DIS3L2: variants seen among roughly 807,000 people sequenced by gnomAD.
DIS3L2 encodes the protein DIS3 like 3'-5' exoribonuclease 2, also known as DIS3-like exonuclease 2.
Under a neutral mutation model 97.5 loss-of-function variants are expected in DIS3L2, and 34 were observed. That is an observed-to-expected ratio of 0.35 (90% CI 0.27 to 0.46). DIS3L2 has a LOEUF of 0.46. Among genes scored for constraint, DIS3L2 ranks in the 20% least tolerant of loss-of-function variants. DIS3L2 has a pLI of 1.00. For synonymous variants in DIS3L2, 435 were observed against 445.2 expected (o/e 0.98, Z 0.29); for missense variants, 1,038 against 1,146.0 (o/e 0.91, Z 1.36).
chr2:232,038,022 A>G (rs1468350930), intron 5 of DIS3L2, among the ~76,000 whole-genome samples: 4 of 152,214 alleles, frequency 2.6e-5, no homozygotes, highest in South Asian at 2.1e-4. Context: ...TTTGAATTAC[A>G]GTGAACTTTC....
intron 13 of DIS3L2, among the ~76,000 whole-genome samples, chr2:232,273,928 A>G (rs1185284752): frequency 6.6e-6 from 1 of 152,210 alleles, no homozygotes; most frequent in African/African-American, 2.4e-5. Context: ...TGTGCAGTCT[A>G]ATGCTCCTTC....
intron 5 of DIS3L2, among the ~76,000 whole-genome samples, chr2:232,046,606 T>G (rs1159371314): frequency 6.6e-6 from 1 of 152,158 alleles, no homozygotes; most frequent in Non-Finnish European, 1.5e-5. Flanking sequence ...AACGAATTCT[T>G]TGTTTTAGAC....
At chr2:232,057,736 C>T (rs1452705294) in intron 5 of DIS3L2, among the ~76,000 whole-genome samples, 1 of 152,078 alleles carries the variant, frequency 6.6e-6, no homozygotes, top group Non-Finnish European at 1.5e-5. Flanking sequence ...ATACTCGACC[C>T]ACAGAAGTTG....
At chr2:232,095,566 C>G (rs1482117427) in intron 6 of DIS3L2, among the ~76,000 whole-genome samples, 1 of 152,024 alleles carries the variant, frequency 6.6e-6, no homozygotes, top group African/African-American at 2.4e-5. Context: ...ATCTTTTAAT[C>G]TTTCTATTTA....
At chr2:232,186,507 A>G (rs1691439005) in intron 9 of DIS3L2, among the ~76,000 whole-genome samples, 1 of 152,220 alleles carries the variant, frequency 6.6e-6, no homozygotes, top group African/African-American at 2.4e-5. Flanking sequence ...TTTTTACACA[A>G]TCTTTGCTTG....
At position 232,257,327 on chromosome 2, in the gene DIS3L2, C is replaced by T. The variant is rs1242332058; in HGVS notation, c.1426-5880C>T. The stretch of plus-strand genomic sequence containing the variant: ...CCCTAGCAAGTTTGCGTCCTTTCCA[C>T]CACAGGCATGACCTGCCTCTCTCTG... On this transcript the variant is annotated intron_variant, in intron 12 of 20. Transcript: ENST00000325385. Among the ~76,000 whole-genome samples the T allele has an allele frequency of 2.6e-5, 4 of 152,174 alleles. No individual in the cohort carries two copies. In the South Asian group the frequency reaches 6.2e-4, roughly 24 times the overall value.
chr2:232,182,292 A>C (rs1691307258), intron 9 of DIS3L2, among the ~76,000 whole-genome samples: 1 of 152,136 alleles, frequency 6.6e-6, no homozygotes. Context: ...TTGGTCAGAG[A>C]ACATACTTTG....
rs546873263 is a variant in DIS3L2, at chr2:232,076,014, C to T, written c.367-11473C>T. 2.0e-5 allele frequency among the ~76,000 whole-genome samples: 3 copies of T among 152,306 alleles called. No homozygotes were observed. In the South Asian group the frequency reaches 6.2e-4, roughly 32 times the overall value. Reference sequence around the variant, plus strand: ...ATTGCAGGTAAGTGCAGAGCCATGACTCAAGCCAGTTGTGTTGTCCCTAGA... The same window carrying T: ...ATTGCAGGTAAGTGCAGAGCCATGATTCAAGCCAGTTGTGTTGTCCCTAGA... On this transcript the variant is annotated intron_variant, in intron 5 of 20. Transcript: ENST00000325385.
intron 5 of DIS3L2, among the ~76,000 whole-genome samples, chr2:232,072,360 T>C (rs1389194550): frequency 6.6e-6 from 1 of 152,120 alleles, no homozygotes; most frequent in Non-Finnish European, 1.5e-5. Flanking sequence ...AGCATGACTT[T>C]GGGAAGAAAC....
chr2:232,087,446 C>G (rs762248723), intron 5 of DIS3L2, 41 bp from the exon 6 acceptor site: 3 of 1,366,724 alleles, frequency 2.2e-6, no homozygotes, highest in Middle Eastern at 1.9e-4. Flanking sequence ...TTTTTTTTTT[C>G]CTCTCTCAGT....
chr2:231,992,521 C>T (rs1354312995), intron 1 of DIS3L2, among the ~76,000 whole-genome samples: 1 of 152,176 alleles, frequency 6.6e-6, no homozygotes, highest in African/African-American at 2.4e-5. Flanking sequence ...TTCCACCTTT[C>T]CCGCTTCATG....
chr2:232,219,544 A>G (rs1268762970), intron 10 of DIS3L2, among the ~76,000 whole-genome samples: 1 of 152,014 alleles, frequency 6.6e-6, no homozygotes, highest in Non-Finnish European at 1.5e-5. Context: ...GGAATTGGGC[A>G]TACCTTTCCC....
At chr2:232,230,613 C>T (rs1692763245) in intron 10 of DIS3L2, among the ~76,000 whole-genome samples, 1 of 152,106 alleles carries the variant, frequency 6.6e-6, no homozygotes, top group Admixed American at 6.6e-5. Flanking sequence ...GGTTGTACTT[C>T]TGATTGTGGT....
intron 14 of DIS3L2, among the ~76,000 whole-genome samples, chr2:232,320,663 G>A (rs1225022462): frequency 6.6e-6 from 1 of 152,208 alleles, no homozygotes; most frequent in Non-Finnish European, 1.5e-5. Context: ...TTTATTACTA[G>A]GGGGCTGTGC....
chr2:232,031,279 A>G (rs1274345781), intron 5 of DIS3L2, among the ~76,000 whole-genome samples: 1 of 152,160 alleles, frequency 6.6e-6, no homozygotes, highest in Non-Finnish European at 1.5e-5. Context: ...TGAGGCATAC[A>G]TTCTTTTTAA....
At chr2:232,310,280 G>A (rs1695088704) in intron 14 of DIS3L2, among the ~76,000 whole-genome samples, 2 of 152,228 alleles carry the variant, frequency 1.3e-5, no homozygotes, top group Non-Finnish European at 1.5e-5. Flanking sequence ...GATGCAGCCA[G>A]AGAGGTGCCA....
rs375337900 is a variant in DIS3L2 at position 232,154,987 on chromosome 2, T to G, written c.951-8472T>G. ...TTTTCCAGGTGCGTCCGTCACCCCT[T>G]TCTTTGACTCGGAAAGGGAACTCCC... On this transcript the variant is annotated intron_variant, in intron 8 of 20. Coordinates refer to ENST00000325385, the MANE Select transcript of DIS3L2 (RefSeq NM_152383.5). 2.9e-3 allele frequency among the ~76,000 whole-genome samples: 413 copies of G among 143,390 alleles called. 6 individuals are homozygous for G. The highest frequency in any genetic ancestry group is 0.017 in the South Asian group (70 of 4,210). The allele number at this position is 143,390 out of a possible 152,430, so 94.1% of individuals were successfully genotyped here. A position where few individuals can be genotyped will look rare whatever the true frequency, so the allele number is the denominator to read the frequency against.
chr2:232,036,824 C>A (rs1430669907), intron 5 of DIS3L2, among the ~76,000 whole-genome samples: 1 of 152,150 alleles, frequency 6.6e-6, no homozygotes, highest in South Asian at 2.1e-4. Context: ...CACTCCAGAC[C>A]CTGTTTGCTT....
At chr2:232,273,251 C>G (rs1212402895) in intron 13 of DIS3L2, among the ~76,000 whole-genome samples, 1 of 152,068 alleles carries the variant, frequency 6.6e-6, no homozygotes, top group East Asian at 1.9e-4. Flanking sequence ...TGCCATTTTC[C>G]TTTTGCTTCC....
Sources: gnomAD v4.1 joint callset for allele counts (sites outside exome capture counted in the v4.1 genomes callset) on GRCh38, gnomAD v4.1.1 for gene constraint, MANE v1.5 for transcripts, NCBI Gene and HGNC (gene_info 2026-07-23, HGNC 2026-07-21) for gene names.